Variants in DAB1 observed in about 807,000 individuals in gnomAD.
DAB1 encodes disabled homolog 1.
Under a neutral mutation model 64.6 loss-of-function variants are expected in DAB1, and 15 were observed. The ratio of observed to expected loss-of-function variants is 0.23; its 90% CI spans 0.16 to 0.36. The LOEUF is 0.36. Ranked by LOEUF, DAB1 falls within the 10% of genes least tolerant of loss-of-function variation. The pLI is 1.00. For missense variants in DAB1, 596 were observed against 706.7 expected (o/e 0.84, Z 1.78); for synonymous variants, 235 against 251.9 (o/e 0.93, Z 0.64).
chr1:57,348,613 A>G (rs12119210), intron 1 of DAB1, among the ~76,000 whole-genome samples: 78,835 of 151,904 alleles, frequency 0.52, 21,220 homozygotes, highest in Non-Finnish European at 0.56. Context: ...CATTTCACTC[A>G]TCTTGCCAGA....
intron 7 of DAB1, among the ~76,000 whole-genome samples, chr1:57,475,657 G>C (rs979516106): frequency 1.3e-5 from 2 of 152,160 alleles, no homozygotes; most frequent in African/African-American, 4.8e-5. Context: ...GGTGTTATGG[G>C]TCCTTAGTGG....
intron 4 of DAB1, among the ~76,000 whole-genome samples, chr1:57,114,672 C>T (rs933198928): frequency 1.3e-5 from 2 of 152,188 alleles, no homozygotes; most frequent in Non-Finnish European, 2.9e-5. Flanking sequence ...CACTCAGAAG[C>T]ATCAGTTTCA....
intron 5 of DAB1, among the ~76,000 whole-genome samples, chr1:58,103,013 G>C (rs1047498840): frequency 1.3e-5 from 2 of 152,068 alleles, no homozygotes; most frequent in Non-Finnish European, 2.9e-5. Context: ...GGATCTTATG[G>C]GGTGTCCACC....
At chr1:57,757,529 G>A (rs1007281167) in intron 6 of DAB1, among the ~76,000 whole-genome samples, 1 of 152,042 alleles carries the variant, frequency 6.6e-6, no homozygotes, top group Non-Finnish European at 1.5e-5. Flanking sequence ...CATCACTGCA[G>A]TCATATGGTA....
At chr1:57,475,169 C>A (rs1643918868) in intron 7 of DAB1, among the ~76,000 whole-genome samples, 1 of 152,138 alleles carries the variant, frequency 6.6e-6, no homozygotes, top group Non-Finnish European at 1.5e-5. Context: ...CCCAGCTACT[C>A]AGGAGGCTGA....
intron 7 of DAB1, among the ~76,000 whole-genome samples, chr1:57,440,369 T>C (rs145156030): frequency 3.9e-5 from 6 of 152,344 alleles, no homozygotes; most frequent in African/African-American, 1.4e-4. Flanking sequence ...TCAGCCAATG[T>C]GGTCCTAATT....
intron 2 of DAB1, among the ~76,000 whole-genome samples, chr1:57,263,079 C>T (rs1670307928): frequency 6.6e-6 from 1 of 152,058 alleles, no homozygotes; most frequent in East Asian, 1.9e-4. Context: ...AGTTAAGCCC[C>T]TTGGGTCTAA....
At chr1:57,766,816 C>CTTCTGTCTTCCCTAGGCAACACACTG (rs1649333542) in intron 6 of DAB1, among the ~76,000 whole-genome samples, 5 of 152,200 alleles carry the variant, frequency 3.3e-5, no homozygotes, top group Admixed American at 6.5e-5. Flanking sequence ...GCAACACGCT[C>CTTCTGTCTTCCCTAGGCAACACACTG]TTCTGTCTAA....
chr1:58,051,396 G>A (rs1647657644), intron 5 of DAB1, among the ~76,000 whole-genome samples: 1 of 152,076 alleles, frequency 6.6e-6, no homozygotes, highest in African/African-American at 2.4e-5. Flanking sequence ...TTTTATGGCT[G>A]CATAGTATTC....
intron 4 of DAB1, among the ~76,000 whole-genome samples, chr1:58,211,302 T>C (rs1658539062): frequency 6.6e-6 from 1 of 152,198 alleles, no homozygotes. Context: ...GCTAAAATTA[T>C]TTTAGGCATT....
At chr1:57,302,109 C>A (rs923794328) in intron 1 of DAB1, among the ~76,000 whole-genome samples, 2 of 152,136 alleles carry the variant, frequency 1.3e-5, no homozygotes, top group African/African-American at 2.4e-5. Context: ...ACATGGATGG[C>A]TCAAATTTTC....
At chr1:58,166,662 T>C (rs1655849353) in intron 4 of DAB1, among the ~76,000 whole-genome samples, 1 of 151,668 alleles carries the variant, frequency 6.6e-6, no homozygotes, top group Non-Finnish European at 1.5e-5. Context: ...TATAGGCAAA[T>C]CATGTTTTCA....
At chr1:57,862,102 T>C (rs1654068938) in intron 1 of DAB1, among the ~76,000 whole-genome samples, 1 of 152,226 alleles carries the variant, frequency 6.6e-6, no homozygotes, top group African/African-American at 2.4e-5. Flanking sequence ...TGGTCTCACT[T>C]CTGTTCCCTA....
chr1:58,220,041 G>C (rs1384297088), intron 4 of DAB1, among the ~76,000 whole-genome samples: 2 of 152,224 alleles, frequency 1.3e-5, no homozygotes, highest in African/African-American at 4.8e-5. Flanking sequence ...GATAACAGAA[G>C]TGACACTGCC....
At position 57,059,394 on chromosome 1, in the gene DAB1, C is replaced by T. The variant is rs79870479; in HGVS notation, c.723+3490G>A. On this transcript the variant is annotated intron_variant, in intron 9 of 14. Coordinates refer to ENST00000371236, the MANE Select transcript of DAB1 (RefSeq NM_001365792.1). ...ACCAGGTGGAACCTAGAGTAACAGG[C>T]CACTGGGCAGTTTCTCTTCTTATGG... 6.9e-3 allele frequency among the ~76,000 whole-genome samples: 1,051 copies of T among 152,200 alleles called. 12 individuals carry two copies. The highest frequency in any genetic ancestry group is 0.024 in the African/African-American group (989 of 41,532).
chr1:57,286,060 C>A (rs888223086), intron 2 of DAB1, among the ~76,000 whole-genome samples: 4 of 152,118 alleles, frequency 2.6e-5, no homozygotes, highest in African/African-American at 9.7e-5. Context: ...ATGAAAAAAA[C>A]AACTTTATTT....
Position 57,439,430 on chromosome 1 carries a change from T to TGTTTTTTTTTG in DAB1, n.626-148265_626-148264insCAAAAAAAAAC, listed in dbSNP as rs1558381471. Among the ~76,000 whole-genome samples, 14 of 129,496 alleles carry TGTTTTTTTTTG rather than the reference T, an allele frequency of 1.1e-4. No individual in the cohort carries two copies. In the East Asian group the frequency reaches 1.8e-3, roughly 16 times the overall value. 85.0% of individuals were successfully genotyped at this position (129,496 alleles called of 152,430 possible). Reference sequence around the variant, plus strand: ...ACTTGGTGATGAGGTTTTTTCTTTTTTTTTTTTTTTTTTTTTTGAGACGGA... The same window carrying TGTTTTTTTTTG: ...ACTTGGTGATGAGGTTTTTTCTTTTTGTTTTTTTTTGTTTTTTTTTTTTTTTTTGAGACGGA... On this transcript the variant is annotated intron_variant and non_coding_transcript_variant, in intron 7 of 20. Coordinates refer to the DAB1 transcript ENST00000485760.
intron 3 of DAB1, among the ~76,000 whole-genome samples, chr1:58,344,467 G>C (rs1643972230): frequency 6.6e-6 from 1 of 151,930 alleles, no homozygotes; most frequent in African/African-American, 2.4e-5. Flanking sequence ...ATGAAACGAG[G>C]GCTCATATTG....
chr1:57,646,504 T>C (rs922332953), intron 7 of DAB1, among the ~76,000 whole-genome samples: 2 of 152,116 alleles, frequency 1.3e-5, no homozygotes, highest in African/African-American at 2.4e-5. Flanking sequence ...TTCCAGCACT[T>C]TGGGAGACTG....
Sources: gnomAD v4.1 joint callset for allele counts (sites outside exome capture counted in the v4.1 genomes callset) on GRCh38, gnomAD v4.1.1 for gene constraint, MANE v1.5 for transcripts, NCBI Gene and HGNC (gene_info 2026-07-23, HGNC 2026-07-21) for gene names.